Variants in CNTLN observed in about 807,000 individuals in gnomAD.
CNTLN encodes the protein centlein.
In CNTLN, 212 loss-of-function variants were observed where a neutral mutation model predicts 180.0. The ratio of observed to expected loss-of-function variants is 1.18; its 90% CI spans 1.05 to 1.32. CNTLN has a LOEUF of 1.32. Among genes scored for constraint, CNTLN ranks in the 40% most tolerant of loss-of-function variants. The pLI is 0.00. For synonymous variants in CNTLN, 722 were observed against 563.1 expected (o/e 1.28, Z -3.99); for missense variants, 2,095 against 1,610.9 (o/e 1.30, Z -5.14).
chr9:17,324,406 G>GA (rs747348672), intron 8 of CNTLN, among the ~76,000 whole-genome samples: 1 of 152,100 alleles, frequency 6.6e-6, no homozygotes, highest in Non-Finnish European at 1.5e-5. Context: ...GAAATTTATA[G>GA]AAAAATCAGT....
chr9:17,155,945 C>T (rs118187579), intron 2 of CNTLN, among the ~76,000 whole-genome samples: 5,699 of 152,240 alleles, frequency 0.037, 192 homozygotes, highest in South Asian at 0.19. Flanking sequence ...GCTGGAGTTC[C>T]TCAGACTCAG....
At chr9:17,238,974 T>C (rs145141315) in intron 5 of CNTLN, among the ~76,000 whole-genome samples, 1 of 152,300 alleles carries the variant, frequency 6.6e-6, no homozygotes, top group East Asian at 1.9e-4. Flanking sequence ...TCAACACTTG[T>C]AATTGTTTGC....
chr9:17,166,060 T>A (rs1820048720), intron 2 of CNTLN, among the ~76,000 whole-genome samples: 1 of 152,030 alleles, frequency 6.6e-6, no homozygotes, highest in Non-Finnish European at 1.5e-5. Context: ...ACTTTTAATA[T>A]GAAGGATAAG....
At chr9:17,136,304 T>C (rs1401622600) in intron 1 of CNTLN, among the ~76,000 whole-genome samples, 2 of 152,198 alleles carry the variant, frequency 1.3e-5, no homozygotes, top group African/African-American at 4.8e-5. Context: ...CTGCTGAACA[T>C]CAAAGTAACT....
intron 8 of CNTLN, among the ~76,000 whole-genome samples, chr9:17,326,308 A>G (rs1462247437): frequency 6.6e-6 from 1 of 152,092 alleles, no homozygotes; most frequent in Non-Finnish European, 1.5e-5. Context: ...TAGAGAAAAA[A>G]ATTTATTTAT....
chr9:17,170,051 C>G (rs1392940659), intron 2 of CNTLN, among the ~76,000 whole-genome samples: 1 of 151,982 alleles, frequency 6.6e-6, no homozygotes, highest in African/African-American at 2.4e-5. Context: ...TTATTTGTGT[C>G]TTTAATTTCT....
chr9:17,460,556 A>G (rs921794625), intron 19 of CNTLN, among the ~76,000 whole-genome samples: 4 of 151,788 alleles, frequency 2.6e-5, no homozygotes, highest in African/African-American at 9.7e-5. Flanking sequence ...AGAGGTCTAA[A>G]GCAGGGATAC....
intron 6 of CNTLN, among the ~76,000 whole-genome samples, chr9:17,280,059 C>G (rs1415625136): frequency 1.3e-5 from 2 of 152,110 alleles, no homozygotes; most frequent in Non-Finnish European, 1.5e-5. Context: ...CAACCTTGGA[C>G]TTCTGTAAGA....
chr9:17,363,881 A>AT (rs1208508883), intron 12 of CNTLN, among the ~76,000 whole-genome samples: 10 of 152,024 alleles, frequency 6.6e-5, no homozygotes, highest in South Asian at 2.1e-4. Flanking sequence ...TATTTTAATG[A>AT]TTTTTTCATC....
chr9:17,258,638 CTT>C (rs1348293163), intron 5 of CNTLN, among the ~76,000 whole-genome samples: 1 of 149,340 alleles, frequency 6.7e-6, no homozygotes, highest in Non-Finnish European at 1.5e-5. Flanking sequence ...TTTGTATCCT[CTT>C]TTATTTCATT....
intron 18 of CNTLN, among the ~76,000 whole-genome samples, chr9:17,431,020 G>A (rs1360161315): frequency 6.6e-6 from 1 of 152,042 alleles, no homozygotes; most frequent in African/African-American, 2.4e-5. Context: ...ACATGGGAAT[G>A]GAGGTATTTT....
intron 7 of CNTLN, chr9:17,299,478 A>G: frequency 1.0e-6 from 1 of 982,388 alleles, no homozygotes; most frequent in Non-Finnish European, 1.2e-6. Flanking sequence ...GTGAAAATCG[A>G]ATGTCTATAA....
At chr9:17,457,812 T>G in intron 19 of CNTLN, 97 bp downstream of exon 19, 1 of 797,966 alleles carries the variant, frequency 1.3e-6, no homozygotes. Context: ...TAAAGGTAAA[T>G]TATGTTATAG....
chr9:17,158,309 A>G (rs911065105), intron 2 of CNTLN, among the ~76,000 whole-genome samples: 7 of 152,116 alleles, frequency 4.6e-5, no homozygotes, highest in Non-Finnish European at 7.4e-5. Context: ...TATGTTGCTG[A>G]GGACTTTTAC....
At chr9:17,495,167 G>A (rs533609037) in intron 25 of CNTLN, among the ~76,000 whole-genome samples, 9 of 151,920 alleles carry the variant, frequency 5.9e-5, no homozygotes, top group South Asian at 2.1e-4. Context: ...GATGTGAGCC[G>A]CTGTGCCCAG....
At chr9:17,511,545 G>A in the CNTLN span, among the ~76,000 whole-genome samples, 4 of 152,012 alleles carry the variant, frequency 2.6e-5, no homozygotes, top group African/African-American at 9.7e-5. Flanking sequence ...TTCTCAGTTG[G>A]ACTTAGGGCT....
chr9:17,181,933 G>T (rs1216294989), intron 2 of CNTLN, among the ~76,000 whole-genome samples: 1 of 152,190 alleles, frequency 6.6e-6, no homozygotes, highest in Non-Finnish European at 1.5e-5. Context: ...TGAAAATTCT[G>T]ACTCTTCCTT....
intron 2 of CNTLN, among the ~76,000 whole-genome samples, chr9:17,152,739 T>A (rs1186652699): frequency 6.6e-6 from 1 of 152,208 alleles, no homozygotes; most frequent in East Asian, 1.9e-4. Context: ...TTCATTGATC[T>A]GTCTGATATT....
chr9:17,259,008 A>G (rs940551116), intron 5 of CNTLN, among the ~76,000 whole-genome samples: 5 of 150,270 alleles, frequency 3.3e-5, no homozygotes, highest in Non-Finnish European at 2.9e-5. Context: ...TTCCAACACT[A>G]TGTTGAATAG....
Sources: gnomAD v4.1 joint callset for allele counts (sites outside exome capture counted in the v4.1 genomes callset) on GRCh38, gnomAD v4.1.1 for gene constraint, MANE v1.5 for transcripts, NCBI Gene and HGNC (gene_info 2026-07-23, HGNC 2026-07-21) for gene names.